The following MUC5AC variants were observed in gnomAD, a reference collection of about 807,000 sequenced individuals.
The protein encoded by MUC5AC is mucin 5AC, oligomeric mucus/gel-forming.
MUC5AC carries 158 observed loss-of-function variants against 169.7 expected under a neutral mutation model. That is an observed-to-expected ratio of 0.93 (90% CI 0.82 to 1.06). The LOEUF (loss-of-function observed/expected upper bound fraction) is 1.06, where lower values mean the gene tolerates loss of function less well. MUC5AC is among the 50% of genes least tolerant of loss of function. The pLI is 0.00. For synonymous variants in MUC5AC, 1,975 were observed against 1,237.0 expected, an observed-to-expected ratio of 1.60 and a Z score of -12.52; for missense variants, 4,359 against 3,089.9, an observed-to-expected ratio of 1.41 and a Z score of -9.74.
rs762174646 is a variant in MUC5AC at position 1,194,219 on chromosome 11, T to C, written c.14865T>C (p.Tyr4955=). The C allele has an allele frequency of 2.6e-6, 2 of 765,030 alleles. No individual in the cohort carries two copies. Among genetic ancestry groups the C allele is most frequent in the South Asian group, 1.3e-5 (1 of 74,624 alleles). The allele number at this position is 765,030 out of a possible 1,614,324, so 47.4% of individuals were successfully genotyped here. A position where few individuals can be genotyped will look rare whatever the true frequency, so the allele number is the denominator to read the frequency against. ...TGGTGCAGCAGATTGTGCCCGTGTA[T>C]GGCCACTTCCGCGTGCTCGTCGACA... The part of the protein sequence containing the change: ...YVLVQQIVPV[Y]GHFRVLVDNY... Residue 4955 remains tyrosine, a synonymous_variant, in exon 34 of 49, where the codon TAT becomes TAC. Transcript: ENST00000621226.
At chr11:1,180,873 A>G (rs1018545367) in intron 28 of MUC5AC, among the ~76,000 whole-genome samples, 1 of 152,042 alleles carries the variant, frequency 6.6e-6, no homozygotes, top group Non-Finnish European at 1.5e-5. Context: ...CCTGGAAAGT[A>G]ATGGCTCCAC....
rs895831522 is a variant in MUC5AC, at chr11:1,182,464, G to A, written c.4319G>A (p.Arg1440Gln). 2.5e-5 allele frequency: 10 copies of A among 398,702 alleles called. No individual in the cohort carries two copies. The highest frequency in any genetic ancestry group is 1.8e-4 in the East Asian group (5 of 28,074). The allele number at this position is 398,702 out of a possible 1,614,324, so 24.7% of individuals were successfully genotyped here. The change falls in exon 31 of 49, where the codon CGA (arginine) becomes CAA (glutamine). Residue 1440 changes from arginine to glutamine, a missense_variant. Coordinates refer to ENST00000621226, the MANE Select transcript of MUC5AC (RefSeq NM_001304359.2). ...GAGGACGCCCCCGGAGTGCCGCTCCGAGCCCTGGGGCAGCGTGTGCAGTGC... is the reference window on the plus strand; with the variant it reads ...GAGGACGCCCCCGGAGTGCCGCTCCAAGCCCTGGGGCAGCGTGTGCAGTGC... ...RAEDAPGVPL[R>Q]ALGQRVQCSP...
Position 1,165,760 on chromosome 11 carries a change from G to A in MUC5AC, c.1386G>A (p.Lys462=), listed in dbSNP as rs187412835. 267 of 1,611,816 alleles carry A rather than the reference G, an allele frequency of 1.7e-4. No individual in the cohort carries two copies. In the African/African-American group the frequency reaches 3.3e-3, roughly 20 times the overall value. Residue 462 remains lysine (K), a splice_region_variant and synonymous_variant, in exon 11 of 49, where the codon AAG becomes AAA. Transcript: ENST00000621226. ...GCGACTGCAGCTATGTGCTGACCAAGGTACGGCCTGGCTGCCTGGGGTGCT... is the reference window on the plus strand; with the variant it reads ...GCGACTGCAGCTATGTGCTGACCAAAGTACGGCCTGGCTGCCTGGGGTGCT... ...VHGDCSYVLT[K]PCDSSAFTVL... is the part of the protein sequence containing the mutation.
rs771655589 is a variant in MUC5AC, at chr11:1,196,416, C to T, written c.15666C>T (p.Tyr5222=). 1.3e-6 allele frequency: 1 copy of T among 764,886 alleles called. No individual in the cohort carries two copies. Among genetic ancestry groups the T allele is most frequent in the African/African-American group, 1.7e-5 (1 of 59,142 alleles). 47.4% of individuals were successfully genotyped at this position (764,886 alleles called of 1,614,324 possible). The change falls in exon 38 of 49, where the codon TAC becomes TAT. Residue 5222 remains tyrosine, a synonymous_variant. Transcript: ENST00000621226. ...TCACCTGCCCAGCCGACAAGGTGTA[C>T]CAGCCCTGCGGCCCGAGCAACCCCT... ...CPFTCPADKV[Y]QPCGPSNPSY...
At chr11:1,163,083 T>G in intron 6 of MUC5AC, 38 bp downstream of exon 6, 2 of 1,570,974 alleles carry the variant, frequency 1.3e-6, no homozygotes, top group Non-Finnish European at 1.8e-6. Context: ...TTCCTCAGTG[T>G]CCCCTGGGGG....
rs1861212777 is a variant in MUC5AC at position 1,194,616 on chromosome 11, T to G, written c.15136T>G (p.Phe5046Val). ...CCAGGTCATGTTCTCCGGCCTCATC[T>G]TCTCCGTGGAGGTGCCCTTCAGCAA... ...GVQVMFSGLI[F>V]SVEVPFSKFA... Residue 5046 changes from phenylalanine to valine, a missense_variant, in exon 35 of 49, where the codon TTC becomes GTC. Phe to Val is a conservative substitution (Grantham distance 50). Coordinates refer to ENST00000621226, the MANE Select transcript of MUC5AC (RefSeq NM_001304359.2). 3 of 764,512 alleles carry G rather than the reference T, an allele frequency of 3.9e-6. No homozygotes were observed. Among genetic ancestry groups the G allele is most frequent in the Non-Finnish European group, 7.2e-6 (3 of 417,490 alleles). 47.4% of individuals were successfully genotyped at this position (764,512 alleles called of 1,614,324 possible).
In MUC5AC at chr11:1,190,874, T is replaced by A. The variant is rs1278017315; in HGVS notation, c.12729T>A (p.Ser4243=). 12 of 742,122 alleles carry A rather than the reference T, an allele frequency of 1.6e-5. No homozygotes were observed. In the East Asian group the frequency reaches 3.0e-4, roughly 18 times the overall value. The allele number at this position is 742,122 out of a possible 1,614,324, so 46.0% of individuals were successfully genotyped here. ...TTSASTTSTT[S]APTTSTTSGP... is the part of the protein sequence containing the mutation. ...CTGCCTCTACAACCAGCACAACTTC[T>A]GCTCCTACAACCAGCACAACCTCTG... is the stretch of plus-strand genomic sequence containing the variant. The change falls in exon 31 of 49, where the codon TCT becomes TCA. Residue 4243 remains serine, a synonymous_variant. Transcript: ENST00000621226.
chr11:1,192,646 C>G, intron 31 of MUC5AC, 121 bp downstream of exon 31: 1 of 692,112 alleles, frequency 1.4e-6, no homozygotes, highest in African/African-American at 1.7e-5. Flanking sequence ...CTCATTGTCA[C>G]AGAGTGGCTG....
rs1861408088 is a variant in MUC5AC, at chr11:1,200,731, G to A, written c.*29G>A. The A allele has an allele frequency of 1.4e-6, 1 of 700,036 alleles. No individual in the cohort carries two copies. The highest frequency in any genetic ancestry group is 1.9e-5 in the Admixed American group (1 of 51,526). The allele number at this position is 700,036 out of a possible 1,614,324, so 43.4% of individuals were successfully genotyped here. A position where few individuals can be genotyped will look rare whatever the true frequency, so the allele number is the denominator to read the frequency against. Reference sequence around the variant, plus strand: ...GCACTGCCGCCCTCCTGACCTCCAAGGAGAACCTCCCATATGTCCTCTGAG... The same window carrying A: ...GCACTGCCGCCCTCCTGACCTCCAAAGAGAACCTCCCATATGTCCTCTGAG... On this transcript the variant is annotated 3_prime_UTR_variant, in exon 49 of 49. Coordinates refer to ENST00000621226, the MANE Select transcript of MUC5AC (RefSeq NM_001304359.2).
intron 15 of MUC5AC, among the ~76,000 whole-genome samples, chr11:1,170,989 T>TTC (rs1860501655): frequency 3.3e-4 from 8 of 23,890 alleles, no homozygotes; most frequent in African/African-American, 1.8e-3. Flanking sequence ...CCCACTCACC[T>TTC]ACTCACTCAC....
chr11:1,170,434 C>T (rs1860472779), intron 15 of MUC5AC, among the ~76,000 whole-genome samples: 2 of 141,242 alleles, frequency 1.4e-5, no homozygotes, highest in Admixed American at 6.9e-5. Context: ...CCCATTCACC[C>T]ATTCACCCAC....
In MUC5AC at chr11:1,180,037, A is replaced by G. The variant is rs1860778486; in HGVS notation, c.3500A>G (p.Tyr1167Cys). The G allele has an allele frequency of 2.5e-6, 1 of 398,608 alleles. No homozygotes were observed. Among genetic ancestry groups the G allele is most frequent in the East Asian group, 3.6e-5 (1 of 28,044 alleles). 24.7% of individuals were successfully genotyped at this position (398,608 alleles called of 1,614,324 possible). A position where few individuals can be genotyped will look rare whatever the true frequency, so the allele number is the denominator to read the frequency against. The change falls in exon 27 of 49, where the codon TAC becomes TGC. Residue 1167 changes from tyrosine to cysteine, a missense_variant. Tyr to Cys is a radical substitution (Grantham distance 194, BLOSUM62 -2). Transcript: ENST00000621226. ...CTCCCTGCAGCTCTGTTCTGCGACT[A>G]CTACAACCCCGAAGGCCAGTGCGAG... ...TPSICPLFCD[Y>C]YNPEGQCEWH...
chr11:1,172,279 C>T lies in MUC5AC; in HGVS notation c.1871-150C>T, dbSNP rs1245389970. ...CTTTTCCTCGGGGAGGGCGCCACAC[C>T]ACCCAGGCTGAGTGTGTAGCAGGAT... On this transcript the variant is annotated intron_variant, in intron 15 of 48. Coordinates refer to ENST00000621226, the MANE Select transcript of MUC5AC (RefSeq NM_001304359.2). The T allele has an allele frequency of 2.0e-5, 8 of 397,430 alleles. No individual in the cohort carries two copies. The East Asian group carries it at 2.5e-4, about 12-fold the overall frequency. 24.6% of individuals were successfully genotyped at this position (397,430 alleles called of 1,614,324 possible).
chr11:1,176,354 G>A, intron 20 of MUC5AC, 103 bp downstream of exon 20: 2 of 398,728 alleles, frequency 5.0e-6, no homozygotes, highest in Non-Finnish European at 8.8e-6. Context: ...GACACATTAG[G>A]CCATGGGCTG....
rs1263544769 is a variant in MUC5AC, at chr11:1,176,507, C to G, written c.2503-7C>G. The G allele has an allele frequency of 2.5e-6, 1 of 399,048 alleles. No individual in the cohort carries two copies. Among genetic ancestry groups the G allele is most frequent in the South Asian group, 1.3e-4 (1 of 7,886 alleles). 24.7% of individuals were successfully genotyped at this position (399,048 alleles called of 1,614,324 possible). On this transcript the variant is annotated splice_region_variant and splice_polypyrimidine_tract_variant and intron_variant, in intron 20 of 48. Coordinates refer to ENST00000621226, the MANE Select transcript of MUC5AC (RefSeq NM_001304359.2). The stretch of plus-strand genomic sequence containing the variant: ...CCATCACTCAGTGGTGTCTGCTGGC[C>G]CTGCAGTACAGCCCCCAGTGTGTGC...
intron 41 of MUC5AC, 65 bp from the exon 42 acceptor site, chr11:1,197,837 CA>C (rs1861318185): frequency 1.5e-6 from 1 of 676,524 alleles, no homozygotes; most frequent in Non-Finnish European, 2.7e-6. Flanking sequence ...CTAGAGACCC[CA>C]GGGGGTGGGC....
In MUC5AC at chr11:1,190,898, T is replaced by C. The variant is rs1861074744; in HGVS notation, c.12753T>C (p.Ser4251=). 4.1e-6 allele frequency: 3 copies of C among 737,822 alleles called. No homozygotes were observed. The Admixed American group carries it at 5.5e-5, about 13-fold the overall frequency. The allele number at this position is 737,822 out of a possible 1,614,324, so 45.7% of individuals were successfully genotyped here. The stretch of plus-strand genomic sequence containing the variant: ...CTGCTCCTACAACCAGCACAACCTC[T>C]GGTCCTGGAACTACTCCAAGCCCTG... ...TTSAPTTSTT[S]GPGTTPSPVP... The change falls in exon 31 of 49, where the codon TCT becomes TCC. Residue 4251 remains serine (S), a synonymous_variant. Coordinates refer to ENST00000621226, the MANE Select transcript of MUC5AC (RefSeq NM_001304359.2).
chr11:1,159,106 C>A (rs1860048283), intron 1 of MUC5AC, among the ~76,000 whole-genome samples: 1 of 152,082 alleles, frequency 6.6e-6, no homozygotes, highest in Non-Finnish European at 1.5e-5. Context: ...AGGCCGTCAT[C>A]TCCGTCTCCC....
Position 1,186,038 on chromosome 11 carries a change from T to A in MUC5AC, c.7893T>A (p.Gly2631=). Residue 2631 remains glycine (G), a synonymous_variant, in exon 31 of 49, where the codon GGT becomes GGA. Coordinates refer to ENST00000621226, the MANE Select transcript of MUC5AC (RefSeq NM_001304359.2). The stretch of plus-strand genomic sequence containing the variant: ...CCACTACAACCAGCAGAATCTCTGG[T>A]CCTGAAACTACTCCCAGCCCTGTTC... ...TSATTTSRIS[G]PETTPSPVPT... 1 of 732,250 alleles carries A rather than the reference T, an allele frequency of 1.4e-6. No individual in the cohort carries two copies. The highest frequency in any genetic ancestry group is 2.5e-6 in the Non-Finnish European group (1 of 401,646). The allele number at this position is 732,250 out of a possible 1,614,324, so 45.4% of individuals were successfully genotyped here. A position where few individuals can be genotyped will look rare whatever the true frequency, so the allele number is the denominator to read the frequency against.
Sources: allele counts gnomAD v4.1 joint callset (sites outside exome capture counted in the v4.1 genomes callset), GRCh38; gene constraint gnomAD v4.1.1; transcripts MANE v1.5; gene names NCBI Gene and HGNC (gene_info 2026-07-23, HGNC 2026-07-21).